Variants in BANK1 observed in about 807,000 individuals in gnomAD.
BANK1 encodes B cell scaffold protein with ankyrin repeats 1.
A neutral mutation model predicts 94.5 loss-of-function variants in BANK1; 95 were observed. That is an observed-to-expected ratio of 1.00 (90% confidence interval 0.85 to 1.19). The LOEUF (loss-of-function observed/expected upper bound fraction) is 1.19, where lower values mean the gene tolerates loss of function less well. BANK1 is among the 50% of genes most tolerant of loss of function. The pLI, the probability that BANK1 is intolerant of heterozygous loss-of-function variation, is 0.00. For missense variants in BANK1, 987 were observed against 932.2 expected, an observed-to-expected ratio of 1.06 and a Z score of -0.77; for synonymous variants, 334 against 308.4, an observed-to-expected ratio of 1.08 and a Z score of -0.87.
intron 7 of BANK1, among the ~76,000 whole-genome samples, chr4:102,007,093 ATATATTT>A (rs1726301783): frequency 3.0e-5 from 2 of 67,674 alleles, no homozygotes; most frequent in Non-Finnish European, 6.0e-5. Flanking sequence ...TATATATATA[ATATATTT>A]ATATATATAT....
At chr4:101,813,865 G>T in intron 1 of BANK1, 1 of 985,476 alleles carries the variant, frequency 1.0e-6, no homozygotes, top group Non-Finnish European at 1.2e-6. Flanking sequence ...ACATCAGGAA[G>T]AGGGTGGGGG....
chr4:102,020,549 T>C (rs1461500717), intron 7 of BANK1, among the ~76,000 whole-genome samples: 1 of 152,108 alleles, frequency 6.6e-6, no homozygotes, highest in Non-Finnish European at 1.5e-5. Flanking sequence ...ATGAGTTCCA[T>C]TGGGCTCTCT....
At chr4:101,923,753 G>C (rs766876819) in intron 7 of BANK1, among the ~76,000 whole-genome samples, 2 of 151,824 alleles carry the variant, frequency 1.3e-5, no homozygotes, top group Non-Finnish European at 2.9e-5. Context: ...GAAGAAGGCA[G>C]AGTAGGTAAA....
intron 2 of BANK1, 116 bp downstream of exon 2, chr4:101,830,322 T>G (rs958108094): frequency 1.9e-5 from 16 of 822,072 alleles, no homozygotes; most frequent in East Asian, 2.9e-5. Context: ...ATAAGAAAAA[T>G]GAGAGCTGAT....
At chr4:101,862,178 G>A (rs899392963) in intron 3 of BANK1, among the ~76,000 whole-genome samples, 1 of 152,056 alleles carries the variant, frequency 6.6e-6, no homozygotes, top group African/African-American at 2.4e-5. Flanking sequence ...CTGAATTATA[G>A]CCTTCTGCTG....
chr4:101,798,358 G>T (rs955957195), intron 1 of BANK1, among the ~76,000 whole-genome samples: 4 of 152,122 alleles, frequency 2.6e-5, no homozygotes, highest in African/African-American at 9.7e-5. Context: ...CAATTTAATT[G>T]TTCTCAAAAG....
chr4:101,799,359 C>T (rs1184825474), intron 1 of BANK1, among the ~76,000 whole-genome samples: 1 of 152,178 alleles, frequency 6.6e-6, no homozygotes, highest in Non-Finnish European at 1.5e-5. Context: ...GTTTTGGTTA[C>T]TGTAGCCTTG....
In BANK1 at chr4:101,912,305, C is replaced by A. The variant is rs116211516; in HGVS notation, c.1010-5688C>A. On this transcript the variant is annotated intron_variant, in intron 6 of 16. Transcript: ENST00000322953. Reference sequence around the variant, plus strand: ...TTTGCTTACTGGATTCTGCCATTACCAAATAGTTATTTTTAAAAATCTTAA... The same window carrying A: ...TTTGCTTACTGGATTCTGCCATTACAAAATAGTTATTTTTAAAAATCTTAA... Among the ~76,000 whole-genome samples the A allele has an allele frequency of 3.6e-3, 553 of 152,138 alleles. 2 individuals are homozygous for A. The highest frequency in any genetic ancestry group is 0.013 in the African/African-American group (521 of 41,512).
intron 12 of BANK1, among the ~76,000 whole-genome samples, chr4:102,060,594 C>T (rs1728386521): frequency 6.6e-6 from 1 of 152,156 alleles, no homozygotes; most frequent in Admixed American, 6.5e-5. Flanking sequence ...TCCTCTAACC[C>T]AGTATACCAA....
chr4:101,936,345 A>G (rs1578408116), intron 7 of BANK1, among the ~76,000 whole-genome samples: 1 of 150,430 alleles, frequency 6.6e-6, no homozygotes, highest in South Asian at 2.1e-4. Context: ...ATATGTACAT[A>G]TACATGTATA....
chr4:101,972,537 T>C (rs1241693632), intron 7 of BANK1: 1 of 152,150 alleles, frequency 6.6e-6, no homozygotes, highest in Non-Finnish European at 1.5e-5. Flanking sequence ...ACTAGAATTA[T>C]TGTCTTTGCA....
At chr4:101,954,077 T>A (rs1039845961) in intron 7 of BANK1, among the ~76,000 whole-genome samples, 1 of 152,160 alleles carries the variant, frequency 6.6e-6, no homozygotes, top group African/African-American at 2.4e-5. Flanking sequence ...TGCCAGTAAT[T>A]CTTGACATTC....
In BANK1 at chr4:102,043,029, G is replaced by T. The variant is rs561770042; in HGVS notation, c.1901-810G>T. On this transcript the variant is annotated intron_variant, in intron 10 of 16. Transcript: ENST00000322953. ...ACTCCCTCATCTATAAACATATGAG[G>T]TTGGACTAAATCTCCAAAGCCTTTT... 4.6e-5 allele frequency among the ~76,000 whole-genome samples: 7 copies of T among 152,120 alleles called. No individual in the cohort carries two copies. In the South Asian group the frequency reaches 1.5e-3, roughly 32 times the overall value.
At chr4:101,929,432 C>A (rs910658226) in intron 7 of BANK1, among the ~76,000 whole-genome samples, 1 of 151,592 alleles carries the variant, frequency 6.6e-6, no homozygotes, top group Non-Finnish European at 1.5e-5. Flanking sequence ...ATATTTTAAA[C>A]ACTTTGAAAG....
At chr4:101,970,232 G>A (rs1724908747) in intron 7 of BANK1, among the ~76,000 whole-genome samples, 2 of 152,064 alleles carry the variant, frequency 1.3e-5, no homozygotes, top group African/African-American at 2.4e-5. Flanking sequence ...CGCATAGTAC[G>A]GATTCAATAG....
intron 1 of BANK1, among the ~76,000 whole-genome samples, chr4:101,829,109 G>T (rs1475343033): frequency 6.6e-6 from 1 of 151,992 alleles, no homozygotes; most frequent in South Asian, 2.1e-4. Flanking sequence ...TGATCAGCCC[G>T]CCTCAGCCTC....
chr4:102,067,208 A>T (rs1245590760), intron 13 of BANK1, among the ~76,000 whole-genome samples: 9 of 152,260 alleles, frequency 5.9e-5, no homozygotes, highest in African/African-American at 2.2e-4. Flanking sequence ...AAACTATTTG[A>T]TTCGCCAAAA....
At position 102,025,353 on chromosome 4, in the gene BANK1, T is replaced by C. The variant is rs1362110452; in HGVS notation, c.1438T>C (p.Ser480Pro). The change falls in exon 9 of 17, where the codon TCT (serine) becomes CCT (proline). Residue 480 changes from serine to proline, a missense_variant. Coordinates refer to ENST00000322953, the MANE Select transcript of BANK1 (RefSeq NM_017935.5). The stretch of plus-strand genomic sequence containing the variant: ...CCCACTAGAGGTTGGCAGTGAGAGT[T>C]CTGAAGACCAGTATGATGACTTGTA... Reference protein sequence around the residue: ...HSPLEVGSESSEDQYDDLYVF... With the variant: ...HSPLEVGSESPEDQYDDLYVF... The C allele has an allele frequency of 6.2e-7, 1 of 1,613,984 alleles. No individual in the cohort carries two copies. The highest frequency in any genetic ancestry group is 8.5e-7 in the Non-Finnish European group (1 of 1,180,018).
At chr4:101,955,444 A>G (rs1724304748) in intron 7 of BANK1, among the ~76,000 whole-genome samples, 1 of 152,172 alleles carries the variant, frequency 6.6e-6, no homozygotes, top group Non-Finnish European at 1.5e-5. Context: ...TTCTATCTAT[A>G]ATACTGCCAC....
Sources: gnomAD v4.1 joint callset for allele counts (sites outside exome capture counted in the v4.1 genomes callset) on GRCh38, gnomAD v4.1.1 for gene constraint, MANE v1.5 for transcripts, NCBI Gene and HGNC (gene_info 2026-07-23, HGNC 2026-07-21) for gene names.